Variants in MYO5B observed in about 807,000 individuals in gnomAD.
MYO5B encodes unconventional myosin-Vb.
Under a neutral mutation model 229.3 loss-of-function variants are expected in MYO5B, and 143 were observed. That is an observed-to-expected ratio of 0.62 (90% CI 0.54 to 0.72). The LOEUF (loss-of-function observed/expected upper bound fraction) is 0.72. Ranked by LOEUF, MYO5B falls within the 30% of genes least tolerant of loss-of-function variation. The pLI, the probability that MYO5B is intolerant of heterozygous loss-of-function variation, is 0.00. For synonymous variants in MYO5B, 918 were observed against 885.2 expected (o/e 1.04, Z -0.66); for missense variants, 2,321 against 2,331.0 (o/e 1.00, Z 0.09).
intron 39 of MYO5B, among the ~76,000 whole-genome samples, chr18:49,828,087 G>C (rs1598814052): frequency 6.6e-6 from 1 of 152,148 alleles, no homozygotes. Flanking sequence ...TACAGGTTCT[G>C]CATCCTGTGA....
intron 33 of MYO5B, among the ~76,000 whole-genome samples, chr18:49,845,109 A>C (rs1203425477): frequency 6.6e-6 from 1 of 152,178 alleles, no homozygotes; most frequent in Non-Finnish European, 1.5e-5. Context: ...AACCCTGGCA[A>C]ATGGCAGGAG....
chr18:49,854,937 C>T (rs1030105930), intron 30 of MYO5B, among the ~76,000 whole-genome samples: 9 of 152,208 alleles, frequency 5.9e-5, no homozygotes, highest in East Asian at 1.9e-4. Flanking sequence ...AGTGGCTCCT[C>T]AACAAAGTTA....
intron 1 of MYO5B, among the ~76,000 whole-genome samples, chr18:50,179,020 AGAG>A (rs2144344915): frequency 6.6e-6 from 1 of 152,346 alleles, no homozygotes; most frequent in East Asian, 1.9e-4. Flanking sequence ...CACTTTTAGA[AGAG>A]GAGATAAAAT....
At chr18:50,016,399 T>A (rs2026215959) in intron 4 of MYO5B, among the ~76,000 whole-genome samples, 1 of 152,188 alleles carries the variant, frequency 6.6e-6, no homozygotes, top group Non-Finnish European at 1.5e-5. Flanking sequence ...AAGGTAGATT[T>A]ATTTCCATAT....
At chr18:49,936,166 A>G (rs1701167535) in intron 16 of MYO5B, 86 bp downstream of exon 16, 2 of 1,162,504 alleles carry the variant, frequency 1.7e-6, no homozygotes, top group Admixed American at 4.0e-5. Flanking sequence ...TGAAGGCCAC[A>G]GACCCCCAGG....
chr18:50,167,624 T>C (rs2032870305), intron 1 of MYO5B, among the ~76,000 whole-genome samples: 1 of 152,204 alleles, frequency 6.6e-6, no homozygotes, highest in Admixed American at 6.5e-5. Context: ...TCCCAGCTAT[T>C]TGTCCTCTAA....
intron 2 of MYO5B, among the ~76,000 whole-genome samples, chr18:50,048,794 T>C (rs767459738): frequency 4.6e-5 from 7 of 152,092 alleles, no homozygotes; most frequent in Non-Finnish European, 1.0e-4. Flanking sequence ...AGGCAGAGGC[T>C]GGCAGATCAC....
intron 21 of MYO5B, among the ~76,000 whole-genome samples, chr18:49,896,023 C>T (rs1414092983): frequency 6.6e-6 from 1 of 152,200 alleles, no homozygotes; most frequent in Non-Finnish European, 1.5e-5. Context: ...TTCTTCATTG[C>T]TCTGGTCTGT....
rs201590936 is a variant in MYO5B at position 49,980,819 on chromosome 18, C to A, written c.947-266G>T. 2.8e-5 allele frequency among the ~76,000 whole-genome samples: 3 copies of A among 107,568 alleles called. No individual in the cohort carries two copies. In the East Asian group the frequency reaches 9.5e-4, roughly 34 times the overall value. The allele number at this position is 107,568 out of a possible 152,430, so 70.6% of individuals were successfully genotyped here. A position where few individuals can be genotyped will look rare whatever the true frequency, so the allele number is the denominator to read the frequency against. ...CAGATGGGTCAAGCTGCCATTTTAA[C>A]TTCTCAAAGAGCAAAGCAGAGGCAG... On this transcript the variant is annotated intron_variant, in intron 8 of 39. Transcript: ENST00000285039.
Position 49,826,512 on chromosome 18 carries a change from T to C in MYO5B, c.5506A>G (p.Ile1836Val). The change falls in exon 40 of 40, where the codon ATC becomes GTC. Residue 1836 changes from isoleucine to valine, a missense_variant. Ile to Val is a conservative substitution (Grantham distance 29). This residue lies in a region of MYO5B where 208 missense variants were observed against 286.3 expected (regional missense o/e 0.73). Coordinates refer to ENST00000285039, the MANE Select transcript of MYO5B (RefSeq NM_001080467.3). ...AATTCCAGATTGAGACACGCTGGGA[T>C]GTGGATTGAGTCCATGGTTAGAGAA... ...PSSLTMDSIH[I>V]PACLNLEFLN... is the part of the protein sequence containing the mutation. 6.2e-7 allele frequency: 1 copy of C among 1,614,080 alleles called. No homozygotes were observed. Among genetic ancestry groups the C allele is most frequent in the Non-Finnish European group, 8.5e-7 (1 of 1,179,952 alleles).
At chr18:50,086,441 C>T (rs1351530477) in intron 1 of MYO5B, among the ~76,000 whole-genome samples, 2 of 152,182 alleles carry the variant, frequency 1.3e-5, no homozygotes, top group Non-Finnish European at 2.9e-5. Flanking sequence ...CTTATTAATA[C>T]ACATAGATCT....
chr18:49,853,123 G>A (rs1242620131), intron 31 of MYO5B, among the ~76,000 whole-genome samples: 1 of 152,210 alleles, frequency 6.6e-6, no homozygotes, highest in Admixed American at 6.5e-5. Context: ...GTTAGTTCAG[G>A]GACTGAGTCT....
intron 1 of MYO5B, among the ~76,000 whole-genome samples, chr18:50,091,951 G>A: frequency 6.6e-6 from 1 of 152,196 alleles, no homozygotes; most frequent in African/African-American, 2.4e-5. Context: ...AGGGACAAAT[G>A]TGATTAGTCA....
At chr18:50,034,805 C>T (rs2026430654) in intron 4 of MYO5B, among the ~76,000 whole-genome samples, 1 of 152,136 alleles carries the variant, frequency 6.6e-6, no homozygotes, top group Non-Finnish European at 1.5e-5. Context: ...CCTGTGGCCA[C>T]ATGTGCTGGT....
At chr18:49,866,496 C>T (rs548160314) in intron 27 of MYO5B, among the ~76,000 whole-genome samples, 109 of 152,338 alleles carry the variant, frequency 7.2e-4, no homozygotes, top group African/African-American at 2.5e-3. Context: ...CTATGAAACA[C>T]TAACTCCCCA....
intron 1 of MYO5B, among the ~76,000 whole-genome samples, chr18:50,136,364 C>CTTTTTTTTTTTTTTTTTTTTTTCT (rs11426659): frequency 7.6e-6 from 1 of 131,782 alleles, no homozygotes; most frequent in Non-Finnish European, 1.6e-5. Context: ...TTTTTTTTTA[C>CTTTTTTTTTTTTTTTTTTTTTTCT]TTTTTTTTTT....
intron 1 of MYO5B, among the ~76,000 whole-genome samples, chr18:50,185,077 T>C (rs1052020010): frequency 1.2e-4 from 18 of 151,462 alleles, no homozygotes; most frequent in African/African-American, 4.4e-4. Flanking sequence ...AGACCCTGTC[T>C]CAAAAAAATA....
chr18:50,052,584 T>C (rs548723798), intron 2 of MYO5B, among the ~76,000 whole-genome samples: 5 of 143,576 alleles, frequency 3.5e-5, no homozygotes, highest in South Asian at 2.5e-4. Flanking sequence ...AGGGATAGCA[T>C]TAGGAGATAT....
chr18:50,026,299 C>G (rs1156876315), intron 4 of MYO5B, among the ~76,000 whole-genome samples: 1 of 142 alleles, frequency 7.0e-3, no homozygotes, highest in Non-Finnish European at 0.014. Context: ...TTTACGTTTA[C>G]AGTGTCTGTA....
Sources: allele counts gnomAD v4.1 joint callset (sites outside exome capture counted in the v4.1 genomes callset), GRCh38; gene constraint gnomAD v4.1.1; regional missense constraint gnomAD v4.1.1; transcripts MANE v1.5; gene names NCBI Gene and HGNC (gene_info 2026-07-23, HGNC 2026-07-21).